Variants in ADAMTSL1 observed in about 807,000 individuals in gnomAD.
The protein encoded by ADAMTSL1 is ADAMTS like 1.
ADAMTSL1 carries 126 observed loss-of-function variants against 201.8 expected under a neutral mutation model. The observed-to-expected ratio is 0.62, with a 90% confidence interval of 0.54 to 0.72. The LOEUF is 0.72. Ranked by LOEUF, ADAMTSL1 falls within the 30% of genes least tolerant of loss-of-function variation. The pLI, the probability that ADAMTSL1 is intolerant of heterozygous loss-of-function variation, is 0.00. For missense variants in ADAMTSL1, 2,679 were observed against 2,277.8 expected (o/e 1.18, Z -3.59); for synonymous variants, 1,121 against 903.4 (o/e 1.24, Z -4.32).
intron 2 of ADAMTSL1, among the ~76,000 whole-genome samples, chr9:18,418,032 A>C (rs1453848687): frequency 1.3e-5 from 2 of 152,244 alleles, no homozygotes; most frequent in African/African-American, 2.4e-5. Flanking sequence ...TGGAAACTCT[A>C]GGCTAATTTA....
At chr9:18,773,868 G>C (rs144142966) in intron 17 of ADAMTSL1, among the ~76,000 whole-genome samples, 1 of 152,016 alleles carries the variant, frequency 6.6e-6, no homozygotes, top group African/African-American at 2.4e-5. Context: ...TGGATTTAGC[G>C]CTGTCATTTA....
At chr9:18,885,868 A>ACAATCT (rs1395758258) in intron 23 of ADAMTSL1, among the ~76,000 whole-genome samples, 1 of 152,086 alleles carries the variant, frequency 6.6e-6, no homozygotes, top group Non-Finnish European at 1.5e-5. Flanking sequence ...GGCCTGCCGC[A>ACAATCT]CAATCTCAGG....
chr9:18,200,174 C>T (rs1444454853), intron 2 of ADAMTSL1, among the ~76,000 whole-genome samples: 1 of 151,920 alleles, frequency 6.6e-6, no homozygotes, highest in African/African-American at 2.4e-5. Context: ...TGGTTCAGAC[C>T]TGTAATCCCA....
chr9:18,151,209 CAGTCCTCCAA>C, intron 1 of ADAMTSL1, among the ~76,000 whole-genome samples: 1 of 152,026 alleles, frequency 6.6e-6, no homozygotes, highest in East Asian at 1.9e-4. Flanking sequence ...AAAAACTAGA[CAGTCCTCCAA>C]AGATGCTAAC....
At chr9:18,231,903 A>G (rs1830658836) in intron 2 of ADAMTSL1, among the ~76,000 whole-genome samples, 1 of 152,186 alleles carries the variant, frequency 6.6e-6, no homozygotes, top group Non-Finnish European at 1.5e-5. Context: ...TACTCATATC[A>G]TGACCACTCT....
At chr9:18,100,267 GA>G (rs1476005478) in intron 1 of ADAMTSL1, among the ~76,000 whole-genome samples, 8 of 152,030 alleles carry the variant, frequency 5.3e-5, no homozygotes, top group Non-Finnish European at 1.0e-4. Context: ...ATTTGTTTGT[GA>G]AATTCGTTTA....
intron 2 of ADAMTSL1, among the ~76,000 whole-genome samples, chr9:18,243,811 T>A (rs1831156753): frequency 1.3e-5 from 2 of 152,054 alleles, no homozygotes; most frequent in African/African-American, 4.8e-5. Flanking sequence ...CACTGCTGCT[T>A]CATAGCCTGA....
intron 20 of ADAMTSL1, among the ~76,000 whole-genome samples, chr9:18,811,805 A>C (rs1403030169): frequency 6.6e-6 from 1 of 152,236 alleles, no homozygotes; most frequent in Non-Finnish European, 1.5e-5. Context: ...CTGGAAACAA[A>C]GAAATACAAC....
At chr9:17,972,202 G>A (rs1215798310) in intron 1 of ADAMTSL1, among the ~76,000 whole-genome samples, 1 of 146,654 alleles carries the variant, frequency 6.8e-6, no homozygotes, top group East Asian at 2.0e-4. Context: ...TAGGGTACAT[G>A]TGCACAATGT....
intron 1 of ADAMTSL1, among the ~76,000 whole-genome samples, chr9:17,987,707 C>G (rs576032104): frequency 8.5e-5 from 13 of 152,128 alleles, no homozygotes; most frequent in East Asian, 7.8e-4. Context: ...AGTGTGCTCT[C>G]AAATGCCTTG....
upstream of ADAMTSL1, chr9:18,473,975 T>A (rs1024522146): frequency 4.5e-6 from 2 of 446,472 alleles, no homozygotes; most frequent in Non-Finnish European, 7.9e-6. Context: ...ACACTTTCTC[T>A]GTCCTCCTGG....
At chr9:18,462,963 A>C (rs1820865591) in intron 2 of ADAMTSL1, among the ~76,000 whole-genome samples, 1 of 152,034 alleles carries the variant, frequency 6.6e-6, no homozygotes, top group East Asian at 1.9e-4. Flanking sequence ...AAAAATAAAA[A>C]ATAAAATAAA....
chr9:17,959,753 G>A (rs368716264), intron 1 of ADAMTSL1, among the ~76,000 whole-genome samples: 1 of 152,184 alleles, frequency 6.6e-6, no homozygotes, highest in Non-Finnish European at 1.5e-5. Flanking sequence ...ACTGCACTCA[G>A]CCTTGACATT....
intron 7 of ADAMTSL1, among the ~76,000 whole-genome samples, chr9:18,648,344 T>C (rs1827957033): frequency 6.6e-6 from 1 of 150,808 alleles, no homozygotes; most frequent in Non-Finnish European, 1.5e-5. Context: ...TTTATCCAAT[T>C]TGCCAGTCTG....
chr9:18,799,345 C>G (rs1397146447), intron 20 of ADAMTSL1, among the ~76,000 whole-genome samples: 1 of 152,222 alleles, frequency 6.6e-6, no homozygotes, highest in Non-Finnish European at 1.5e-5. Context: ...GGAGAATCAT[C>G]TTGGCTGTTA....
intron 23 of ADAMTSL1, among the ~76,000 whole-genome samples, chr9:18,843,495 A>G (rs1359804126): frequency 6.6e-6 from 1 of 150,678 alleles, no homozygotes; most frequent in Non-Finnish European, 1.5e-5. Context: ...ACTTTGGTGA[A>G]TCTGACAATT....
At chr9:18,890,441 C>A in intron 25 of ADAMTSL1, 2 of 451,450 alleles carry the variant, frequency 4.4e-6, no homozygotes, top group South Asian at 3.1e-5. Flanking sequence ...GGAGTTGGCA[C>A]TGGTGCAGTG....
chr9:18,639,532 G>T, intron 7 of ADAMTSL1, 121 bp downstream of exon 7: 2 of 1,196,264 alleles, frequency 1.7e-6, no homozygotes, highest in Non-Finnish European at 2.3e-6. Flanking sequence ...TTGTTACCCA[G>T]GAAATGTTTA....
intron 3 of ADAMTSL1, among the ~76,000 whole-genome samples, chr9:18,537,232 G>C (rs1340037071): frequency 6.6e-6 from 1 of 152,180 alleles, no homozygotes; most frequent in African/African-American, 2.4e-5. Flanking sequence ...TATTTAAAAG[G>C]AAATATATCA....
Sources: allele counts gnomAD v4.1 joint callset (sites outside exome capture counted in the v4.1 genomes callset), GRCh38; gene constraint gnomAD v4.1.1; transcripts MANE v1.5; gene names NCBI Gene and HGNC (gene_info 2026-07-23, HGNC 2026-07-21).